RBMS3: variants seen among roughly 807,000 people sequenced by gnomAD.
RBMS3 encodes RNA binding motif single stranded interacting protein 3.
A neutral mutation model predicts 66.8 loss-of-function variants in RBMS3; 27 were observed. The ratio of observed to expected loss-of-function variants is 0.40; its 90% confidence interval spans 0.30 to 0.56. The LOEUF (loss-of-function observed/expected upper bound fraction) is 0.56. Ranked by LOEUF, RBMS3 falls within the 20% of genes least tolerant of loss-of-function variation. The probability of loss-of-function intolerance (pLI) is 0.40; values close to 1 mark genes in which losing one functional copy is unlikely to be tolerated. For synonymous variants in RBMS3, 188 were observed against 183.0 expected (o/e 1.03, Z -0.22); for missense variants, 513 against 549.5 (o/e 0.93, Z 0.66).
chr3:29,382,240 C>T (rs1278182942), intron 1 of RBMS3, among the ~76,000 whole-genome samples: 2 of 152,154 alleles, frequency 1.3e-5, no homozygotes, highest in East Asian at 1.9e-4. Flanking sequence ...AATTTCATTT[C>T]CAGTTAACCA....
At chr3:29,608,974 A>G (rs1317203025) in intron 4 of RBMS3, among the ~76,000 whole-genome samples, 1 of 152,022 alleles carries the variant, frequency 6.6e-6, no homozygotes, top group African/African-American at 2.4e-5. Context: ...TATGGGCAGC[A>G]TTCACTGCAG....
At chr3:29,475,677 C>CTATA (rs2042922801) in intron 2 of RBMS3, among the ~76,000 whole-genome samples, 2 of 152,062 alleles carry the variant, frequency 1.3e-5, no homozygotes, top group Admixed American at 6.6e-5. Context: ...GCATCATAAA[C>CTATA]GTATAAAGCA....
intron 4 of RBMS3, among the ~76,000 whole-genome samples, chr3:29,709,680 G>A (rs893407965): frequency 3.9e-5 from 6 of 152,132 alleles, no homozygotes; most frequent in African/African-American, 1.4e-4. Context: ...GATTTATCCA[G>A]AATCTCTTAT....
chr3:29,871,904 T>A (rs2059501176), intron 7 of RBMS3, among the ~76,000 whole-genome samples: 1 of 152,210 alleles, frequency 6.6e-6, no homozygotes, highest in Non-Finnish European at 1.5e-5. Context: ...TAAATGCACT[T>A]CTTTATGAAA....
intron 7 of RBMS3, among the ~76,000 whole-genome samples, chr3:29,878,026 G>A (rs73831077): frequency 0.02 from 3,061 of 152,188 alleles, 115 homozygotes; most frequent in African/African-American, 0.07. Context: ...GGGTGTTGGG[G>A]AGGGGGTTGG....
At chr3:29,352,275 A>T (rs2036963102) in intron 1 of RBMS3, among the ~76,000 whole-genome samples, 1 of 152,036 alleles carries the variant, frequency 6.6e-6, no homozygotes, top group Non-Finnish European at 1.5e-5. Flanking sequence ...ATTTGGGCCT[A>T]CATTTTACTT....
At position 29,559,510 on chromosome 3, in the gene RBMS3, C is replaced by CAAAAAAAAAAAA. The variant is rs553520590; in HGVS notation, c.308-27572_308-27561dup. ...TGGGTGACAGAGGAAGACTCTGTCT[C>CAAAAAAAAAAAA]AAAAAAAAAAAAAAAAAAAAAAAAA... On this transcript the variant is annotated intron_variant, in intron 3 of 14. Transcript: ENST00000383767. Among the ~76,000 whole-genome samples the CAAAAAAAAAAAA allele has an allele frequency of 4.4e-4, 18 of 41,336 alleles. 1 individual carries two copies. The highest frequency in any genetic ancestry group is 6.8e-4 in the South Asian group (1 of 1,466). 27.1% of individuals were successfully genotyped at this position (41,336 alleles called of 152,430 possible).
At chr3:29,668,827 G>A (rs900808081) in intron 4 of RBMS3, among the ~76,000 whole-genome samples, 2 of 152,192 alleles carry the variant, frequency 1.3e-5, no homozygotes, top group Admixed American at 6.5e-5. Context: ...TTATATAACT[G>A]AGGTTTTGAA....
At chr3:29,685,812 GTCAT>G (rs2051707117) in intron 4 of RBMS3, among the ~76,000 whole-genome samples, 2 of 152,156 alleles carry the variant, frequency 1.3e-5, no homozygotes, top group Admixed American at 1.3e-4. Flanking sequence ...TTGCCTGCCA[GTCAT>G]TTATATGCAC....
chr3:29,670,351 G>A (rs747481902), intron 4 of RBMS3, among the ~76,000 whole-genome samples: 5 of 152,146 alleles, frequency 3.3e-5, no homozygotes, highest in South Asian at 2.1e-4. Flanking sequence ...CGCAGAAGAC[G>A]GATGATTTCT....
chr3:29,618,580 G>A (rs1047834082), intron 4 of RBMS3, among the ~76,000 whole-genome samples: 2 of 151,978 alleles, frequency 1.3e-5, no homozygotes, highest in Non-Finnish European at 2.9e-5. Flanking sequence ...AATCAGTGTG[G>A]TCCTTTGTGG....
intron 2 of RBMS3, among the ~76,000 whole-genome samples, chr3:29,444,788 CTTTTTT>C (rs558839351): frequency 0.018 from 903 of 50,496 alleles, 21 homozygotes; most frequent in African/African-American, 0.053. Flanking sequence ...AAATATATGC[CTTTTTT>C]TTTTTTTTTT....
rs9822611 is a variant in RBMS3, at chr3:29,792,446, C to A, written c.637+29457C>A. ...AATCCTCTGAAACTCACTGAATTTT[C>A]TAGCCTTGTCATCTACCAAAATGTG... is the stretch of plus-strand genomic sequence containing the variant. On this transcript the variant is annotated intron_variant, in intron 6 of 14. Coordinates refer to ENST00000383767, the MANE Select transcript of RBMS3 (RefSeq NM_001003793.3). Among the ~76,000 whole-genome samples the A allele has an allele frequency of 1.7e-3, 260 of 152,262 alleles. 3 individuals are homozygous for A. Among genetic ancestry groups the A allele is most frequent in the African/African-American group, 6.0e-3 (250 of 41,548 alleles).
chr3:29,416,595 T>C (rs953765940), intron 1 of RBMS3, among the ~76,000 whole-genome samples: 8 of 152,082 alleles, frequency 5.3e-5, no homozygotes, highest in African/African-American at 1.4e-4. Context: ...TAAGGGTAAG[T>C]TGGGTAAGAG....
rs192062807 is a variant in RBMS3 at position 29,782,059 on chromosome 3, G to A, written c.637+19070G>A. On this transcript the variant is annotated intron_variant, in intron 6 of 14. Transcript: ENST00000383767. ...TGGTGGTCTTTCTCTACCCACCCTC[G>A]GAGTCGAAGACAAAGGTCATAATCT... Among the ~76,000 whole-genome samples the A allele has an allele frequency of 2.9e-3, 438 of 152,092 alleles. 3 individuals carry two copies. Among genetic ancestry groups the A allele is most frequent in the African/African-American group, 9.4e-3 (388 of 41,478 alleles).
At chr3:29,379,039 T>G (rs1453314297) in intron 1 of RBMS3, among the ~76,000 whole-genome samples, 1 of 152,210 alleles carries the variant, frequency 6.6e-6, no homozygotes, top group Non-Finnish European at 1.5e-5. Flanking sequence ...TTGAGGTCAA[T>G]CTCTGGATCT....
At chr3:29,388,864 C>CA (rs2039142691) in intron 1 of RBMS3, among the ~76,000 whole-genome samples, 2 of 152,058 alleles carry the variant, frequency 1.3e-5, no homozygotes, top group African/African-American at 2.4e-5. Flanking sequence ...GCGCCTGGCC[C>CA]AAAATTTTTC....
At chr3:29,500,191 C>T (rs138520984) in intron 3 of RBMS3, among the ~76,000 whole-genome samples, 4,227 of 149,364 alleles carry the variant, frequency 0.028, 133 homozygotes, top group African/African-American at 0.082. Flanking sequence ...TTTTGAATGA[C>T]GAGGGGTTCA....
At chr3:29,324,676 C>T (rs1197576518) in intron 1 of RBMS3, among the ~76,000 whole-genome samples, 1 of 147,576 alleles carries the variant, frequency 6.8e-6, no homozygotes, top group Non-Finnish European at 1.5e-5. Flanking sequence ...CTTACAATCT[C>T]CTGCACTAAA....
Sources: allele counts gnomAD v4.1 joint callset (sites outside exome capture counted in the v4.1 genomes callset), GRCh38; gene constraint gnomAD v4.1.1; transcripts MANE v1.5; gene names NCBI Gene and HGNC (gene_info 2026-07-23, HGNC 2026-07-21).